The following RBM7 variants were observed in gnomAD, a reference collection of about 807,000 sequenced individuals.
RBM7 encodes the protein RNA binding motif protein 7, also known as RNA-binding protein 7.
RBM7 carries 13 observed loss-of-function variants against 31.0 expected under a neutral mutation model. The ratio of observed to expected loss-of-function variants is 0.42; its 90% CI spans 0.27 to 0.67. RBM7 has a LOEUF of 0.67. Ranked by LOEUF, RBM7 falls within the 30% of genes least tolerant of loss-of-function variation. The pLI, the probability that RBM7 is intolerant of heterozygous loss-of-function variation, is 0.24. For synonymous variants in RBM7, 106 were observed against 111.2 expected (o/e 0.95, Z 0.30); for missense variants, 245 against 326.2 (o/e 0.75, Z 1.92).
At chr11:114,402,561 G>A (rs534458071) in intron 2 of RBM7, among the ~76,000 whole-genome samples, 3 of 151,580 alleles carry the variant, frequency 2.0e-5, no homozygotes, top group South Asian at 2.1e-4. Flanking sequence ...ACGCCACCAC[G>A]CCTGGCTAAT....
chr11:114,404,752 T>G (rs1164860337), intron 3 of RBM7, among the ~76,000 whole-genome samples: 1 of 152,156 alleles, frequency 6.6e-6, no homozygotes, highest in African/African-American at 2.4e-5. Flanking sequence ...TTTATAATTT[T>G]TATACTATAA....
In RBM7 at chr11:114,408,571, A is replaced by C. The variant is rs184595306; in HGVS notation, c.*764A>C. 1 of 152,896 alleles carries C rather than the reference A, an allele frequency of 6.5e-6. No homozygotes were observed. Among genetic ancestry groups the C allele is most frequent in the Non-Finnish European group, 1.5e-5 (1 of 68,010 alleles). 9.5% of individuals were successfully genotyped at this position (152,896 alleles called of 1,614,324 possible). A position where few individuals can be genotyped will look rare whatever the true frequency, so the allele number is the denominator to read the frequency against. ...AATGGTAAAATGTTTTACTGAAAGC[A>C]TACTTTTTTGGAAAATAGATTCATG... On this transcript the variant is annotated 3_prime_UTR_variant, in exon 5 of 5. Coordinates refer to ENST00000375490, the MANE Select transcript of RBM7 (RefSeq NM_001286045.2).
chr11:114,402,003 ATCCCT>A lies in RBM7; in HGVS notation c.259+144_259+148del, dbSNP rs1475517166. 5 of 764,364 alleles carry A rather than the reference ATCCCT, an allele frequency of 6.5e-6. No homozygotes were observed. The African/African-American group carries it at 9.4e-5, about 14-fold the overall frequency. The allele number at this position is 764,364 out of a possible 1,614,324, so 47.3% of individuals were successfully genotyped here. ...AAACTTTATATAGCAAACTTTATATATCCCTGAAAACGGGTAACATTGACACATGG... is the reference window on the plus strand; with the variant it reads ...AAACTTTATATAGCAAACTTTATATAGAAAACGGGTAACATTGACACATGG... On this transcript the variant is annotated intron_variant, in intron 2 of 4. Transcript: ENST00000375490.
intron 1 of RBM7, 116 bp downstream of exon 1, chr11:114,400,883 G>T (rs1347437007): frequency 1.7e-6 from 2 of 1,196,482 alleles, no homozygotes; most frequent in African/African-American, 1.5e-5. Context: ...TGGCTGTTTG[G>T]GGGTGAAAGG....
At chr11:114,403,313 C>T (rs1309502706) in intron 3 of RBM7, among the ~76,000 whole-genome samples, 2 of 152,136 alleles carry the variant, frequency 1.3e-5, no homozygotes, top group Non-Finnish European at 2.9e-5. Context: ...TTGTTACTTA[C>T]AGTTGAAAAA....
chr11:114,402,019 A>G (rs2135349001), intron 2 of RBM7, 159 bp downstream of exon 2: 1 of 639,754 alleles, frequency 1.6e-6, no homozygotes, highest in South Asian at 2.7e-5. Flanking sequence ...GAAAACGGGT[A>G]ACATTGACAC....
At chr11:114,404,074 C>T (rs1237572243) in intron 3 of RBM7, among the ~76,000 whole-genome samples, 3 of 152,066 alleles carry the variant, frequency 2.0e-5, no homozygotes, top group African/African-American at 7.2e-5. Flanking sequence ...GTCTTTTAAA[C>T]TATAATCAGG....
At position 114,401,829 on chromosome 11, in the gene RBM7, T is replaced by C. The variant is rs1170526854; in HGVS notation, c.228T>C (p.Tyr76=). The C allele has an allele frequency of 6.3e-7, 1 of 1,592,292 alleles. No homozygotes were observed. The highest frequency in any genetic ancestry group is 8.5e-7 in the Non-Finnish European group (1 of 1,172,828). Residue 76 remains tyrosine, a synonymous_variant, in exon 2 of 5, where the codon TAT becomes TAC. Coordinates refer to ENST00000375490, the MANE Select transcript of RBM7 (RefSeq NM_001286045.2). Reference sequence around the variant, plus strand: ...ATCTACTTAATGGAATCAAACTTTATGGAAGGCCTATCAAAATTCAATTTA... The same window carrying C: ...ATCTACTTAATGGAATCAAACTTTACGGAAGGCCTATCAAAATTCAATTTA... ...AMNLLNGIKL[Y]GRPIKIQFRS...
Position 114,400,707 on chromosome 11 carries a change from C to T in RBM7, c.36C>T (p.Leu12=), listed in dbSNP as rs781333573. 9.3e-6 allele frequency: 15 copies of T among 1,614,084 alleles called. No individual in the cohort carries two copies. Among genetic ancestry groups the T allele is most frequent in the Non-Finnish European group, 1.2e-5 (14 of 1,180,046 alleles). ...CGGCGGCGGAAGCGGATCGCACTCT[C>T]TTTGTGGGCAACCTTGAAACGAAAG... ...GAAAAEADRT[L]FVGNLETKVT... is the part of the protein sequence containing the mutation. The change falls in exon 1 of 5, where the codon CTC becomes CTT. Residue 12 remains leucine (L), a synonymous_variant. Coordinates refer to ENST00000375490, the MANE Select transcript of RBM7 (RefSeq NM_001286045.2).
At chr11:114,401,935 C>CT in intron 2 of RBM7, 75 bp downstream of exon 2, 1 of 1,415,840 alleles carries the variant, frequency 7.1e-7, no homozygotes, top group Non-Finnish European at 9.5e-7. Context: ...TAAAGAACCT[C>CT]TTATTTGTAG....
chr11:114,400,914 C>T (rs887545390), intron 1 of RBM7, 147 bp downstream of exon 1: 7 of 827,876 alleles, frequency 8.5e-6, no homozygotes, highest in East Asian at 2.7e-5. Flanking sequence ...TTGCGAAACG[C>T]TCGCTGGGTG....
Position 114,405,768 on chromosome 11 carries a change from C to T in RBM7, c.410C>T (p.Ser137Phe), listed in dbSNP as rs201717789. 5.9e-5 allele frequency: 94 copies of T among 1,606,396 alleles called. 1 individual carries two copies. The Middle Eastern group carries it at 8.3e-4, about 14-fold the overall frequency. The part of the protein sequence containing the change: ...SSAQIIQRSF[S>F]SPENFQRQAV... ...GCACAGATAATTCAGAGATCTTTCT[C>T]TTCTCCAGAAAATTTTCAGAGACAA... is the stretch of plus-strand genomic sequence containing the variant. Residue 137 changes from serine (S) to phenylalanine (F), a missense_variant, in exon 4 of 5, where the codon TCT becomes TTT. Ser to Phe is a radical substitution (Grantham distance 155). Transcript: ENST00000375490.
chr11:114,400,816 G>C, intron 1 of RBM7, 49 bp downstream of exon 1: 1 of 1,604,186 alleles, frequency 6.2e-7, no homozygotes, highest in Non-Finnish European at 8.5e-7. Context: ...GTCTCGCCTA[G>C]GGCCTGGCCA....
At position 114,410,196 on chromosome 11, in the gene RBM7, C is replaced by T. The variant is rs1252459598; in HGVS notation, c.*2389C>T. ...GAGAACAGTTTCTCCCATAGTGTTT[C>T]CTGTGGAATGCTAGTGTCTCATAAA... is the stretch of plus-strand genomic sequence containing the variant. On this transcript the variant is annotated 3_prime_UTR_variant, in exon 5 of 5. Coordinates refer to ENST00000375490, the MANE Select transcript of RBM7 (RefSeq NM_001286045.2). 2 of 151,712 alleles carry T rather than the reference C, an allele frequency of 1.3e-5. No individual in the cohort carries two copies. The highest frequency in any genetic ancestry group is 2.9e-5 in the Non-Finnish European group (2 of 67,956). The allele number at this position is 151,712 out of a possible 1,614,324, so 9.4% of individuals were successfully genotyped here.
Position 114,402,921 on chromosome 11 carries a change from A to G in RBM7, c.347+6A>G. On this transcript the variant is annotated splice_donor_region_variant and intron_variant, in intron 3 of 4. Coordinates refer to ENST00000375490, the MANE Select transcript of RBM7 (RefSeq NM_001286045.2). Reference sequence around the variant, plus strand: ...ACCTCCACATCTCCTAGCAGGTAATATTTCTCACTTATTGTTAAGATCATT... The same window carrying G: ...ACCTCCACATCTCCTAGCAGGTAATGTTTCTCACTTATTGTTAAGATCATT... The G allele has an allele frequency of 6.3e-7, 1 of 1,590,490 alleles. No individual in the cohort carries two copies. The highest frequency in any genetic ancestry group is 8.6e-7 in the Non-Finnish European group (1 of 1,158,596).
chr11:114,406,661 C>G (rs548259511), intron 4 of RBM7: 1 of 152,344 alleles, frequency 6.6e-6, no homozygotes, highest in East Asian at 1.9e-4. Context: ...TCAGATTCCT[C>G]TAGCCCAATT....
Position 114,407,922 on chromosome 11 carries a change from CT to C in RBM7, c.*118del. ...AGCAGCTTTACAAGTTGTCACATTT[CT>C]TTATAAATTTTTTTAAAGCTACAGT... is the stretch of plus-strand genomic sequence containing the variant. On this transcript the variant is annotated 3_prime_UTR_variant, in exon 5 of 5. Coordinates refer to ENST00000375490, the MANE Select transcript of RBM7 (RefSeq NM_001286045.2). The C allele has an allele frequency of 8.0e-7, 1 of 1,251,090 alleles. No individual in the cohort carries two copies. Among genetic ancestry groups the C allele is most frequent in the Non-Finnish European group, 1.1e-6 (1 of 941,250 alleles). The allele number at this position is 1,251,090 out of a possible 1,614,324, so 77.5% of individuals were successfully genotyped here. A position where few individuals can be genotyped will look rare whatever the true frequency, so the allele number is the denominator to read the frequency against.
chr11:114,403,645 C>T (rs1946232217), intron 3 of RBM7, among the ~76,000 whole-genome samples: 1 of 152,172 alleles, frequency 6.6e-6, no homozygotes, highest in African/African-American at 2.4e-5. Context: ...TCAGGTTCTT[C>T]ACCATATCTT....
intron 3 of RBM7, among the ~76,000 whole-genome samples, chr11:114,405,134 T>C (rs1211201653): frequency 6.6e-6 from 1 of 152,212 alleles, no homozygotes; most frequent in African/African-American, 2.4e-5. Flanking sequence ...ATTCTTTTCA[T>C]TTTAGTTTTC....
Sources: allele counts gnomAD v4.1 joint callset (sites outside exome capture counted in the v4.1 genomes callset), GRCh38; gene constraint gnomAD v4.1.1; transcripts MANE v1.5; gene names NCBI Gene and HGNC (gene_info 2026-07-23, HGNC 2026-07-21).